Variants in RFX1 observed in about 807,000 individuals in gnomAD.
The protein encoded by RFX1 is regulatory factor X1, also known as MHC class II regulatory factor RFX1.
Under a neutral mutation model 119.6 loss-of-function variants are expected in RFX1, and 42 were observed. The ratio of observed to expected loss-of-function variants is 0.35; its 90% CI spans 0.27 to 0.45. The LOEUF is 0.45. RFX1 is among the 20% of genes least tolerant of loss of function. The pLI is 1.00. For missense variants in RFX1, 1,118 were observed against 1,368.1 expected (o/e 0.82, Z 2.88); for synonymous variants, 628 against 618.5 (o/e 1.02, Z -0.23).
At chr19:14,006,746 T>G (rs1568488784), upstream of RFX1, 1 of 152,244 alleles carries the variant, frequency 6.6e-6, no homozygotes, top group African/African-American at 2.4e-5. Context: ...TTTACATGTC[T>G]TACCAAATTA....
chr19:14,004,890 G>A (rs1975320909), intron 1 of RFX1, among the ~76,000 whole-genome samples: 1 of 152,126 alleles, frequency 6.6e-6, no homozygotes, highest in Non-Finnish European at 1.5e-5. Flanking sequence ...CTAAAAAGCA[G>A]TGGCAAAGAT....
At position 14,003,701 on chromosome 19, in the gene RFX1, G is replaced by A. The variant is rs147433206; in HGVS notation, c.-53+2402C>T. Among the ~76,000 whole-genome samples, 715 of 152,252 alleles carry A rather than the reference G, an allele frequency of 4.7e-3. 4 individuals carry two copies. Among genetic ancestry groups the A allele is most frequent in the Middle Eastern group, 0.037 (11 of 294 alleles). On this transcript the variant is annotated intron_variant, in intron 1 of 20. Transcript: ENST00000254325. ...CTACCAAGGATTACTGCCCCTAGAT[G>A]AAAGGAAGGGAAACTGAGGCCCAGA... is the stretch of plus-strand genomic sequence containing the variant.
chr19:13,974,843 C>T lies in RFX1; in HGVS notation c.930-1716G>A, dbSNP rs187774684. Among the ~76,000 whole-genome samples, 458 of 151,644 alleles carry T rather than the reference C, an allele frequency of 3.0e-3. 2 individuals carry two copies. The highest frequency in any genetic ancestry group is 0.017 in the Middle Eastern group (5 of 292). On this transcript the variant is annotated intron_variant, in intron 8 of 20. Transcript: ENST00000254325. ...GGTGGATCACTTGAGGTCAGGAGTTCGAGACCAGCCTGGCCAACATAGTGA... is the reference window on the plus strand; with the variant it reads ...GGTGGATCACTTGAGGTCAGGAGTTTGAGACCAGCCTGGCCAACATAGTGA...
Position 13,982,146 on chromosome 19 carries a change from G to C in RFX1, c.596C>G (p.Thr199Ser). ...CTCTGGGGGCGAGTGCACCTGCTGG[G>C]TACCATGGACCGTCAGGGAGACCTG... ...GGQVSLTVHG[T>S]QQVHSPPEQS... Residue 199 changes from threonine (T) to serine (S), a missense_variant, in exon 5 of 21, where the codon ACC (threonine) becomes AGC (serine). Coordinates refer to ENST00000254325, the MANE Select transcript of RFX1 (RefSeq NM_002918.5). The C allele has an allele frequency of 6.9e-6, 9 of 1,311,996 alleles. No individual in the cohort carries two copies. The highest frequency in any genetic ancestry group is 7.8e-6 in the Non-Finnish European group (8 of 1,021,512). 81.3% of individuals were successfully genotyped at this position (1,311,996 alleles called of 1,614,324 possible). A position where few individuals can be genotyped will look rare whatever the true frequency, so the allele number is the denominator to read the frequency against.
rs531639217 is a variant in RFX1, at chr19:13,970,908, TGGGAGGCAGAGGTTGCA to T, written c.1315-750_1315-734del. Among the ~76,000 whole-genome samples the T allele has an allele frequency of 2.2e-4, 33 of 151,792 alleles. No individual in the cohort carries two copies. The South Asian group carries it at 5.6e-3, about 26-fold the overall frequency. On this transcript the variant is annotated intron_variant, in intron 9 of 20. Transcript: ENST00000254325. ...CTGAGACAGGAGAATCATTTGAACT[TGGGAGGCAGAGGTTGCA>T]GGGAGGCAGAGGCTGCAGTGAGCCA...
rs1011246143 is a variant in RFX1 at position 13,986,435 on chromosome 19, G to C, written c.320-2840C>G. On this transcript the variant is annotated intron_variant, in intron 2 of 20. Transcript: ENST00000254325. This position sits in a 1 kb window ranked among gnomAD's most constrained non-coding sequence, Gnocchi z 4.2. ...AGGGGATGCGCCACGAGGCTAACAG[G>C]TGAGCCTGAGTGACTCATGCGGATG... is the stretch of plus-strand genomic sequence containing the variant. 2.6e-5 allele frequency among the ~76,000 whole-genome samples: 4 copies of C among 152,330 alleles called. No individual in the cohort carries two copies. The highest frequency in any genetic ancestry group is 9.6e-5 in the African/African-American group (4 of 41,580).
intron 9 of RFX1, among the ~76,000 whole-genome samples, chr19:13,970,753 A>G (rs1974053691): frequency 6.8e-6 from 1 of 146,394 alleles, no homozygotes; most frequent in Non-Finnish European, 1.5e-5. Context: ...AGGCCAAGGC[A>G]GGTGGGTGGA....
chr19:14,000,255 G>A (rs1352369798), intron 1 of RFX1, among the ~76,000 whole-genome samples: 1 of 152,170 alleles, frequency 6.6e-6, no homozygotes, highest in African/African-American at 2.4e-5. Context: ...GAAGGCTGAG[G>A]CGGGCGGATC....
intron 9 of RFX1, among the ~76,000 whole-genome samples, 179 bp from the exon 10 acceptor site, chr19:13,970,354 C>A (rs183000264): frequency 1.1e-4 from 17 of 152,248 alleles, no homozygotes; most frequent in African/African-American, 4.1e-4. Flanking sequence ...TCTAGAACTG[C>A]ACTGTCCAAT....
At chr19:13,962,931 G>C (rs927410874) in intron 20 of RFX1, 63 bp downstream of exon 20, 1 of 1,546,254 alleles carries the variant, frequency 6.5e-7, no homozygotes. Context: ...TCCTCCTCCC[G>C]AGCCCCTCCG....
At position 13,967,820 on chromosome 19, in the gene RFX1, G is replaced by A. The variant is rs577766528; in HGVS notation, c.1732+745C>T. ...GGGTACACACCTGCCTTCTTGGCGA[G>A]TGAGTGGTCCTAGCCCTGTGGACAC... On this transcript the variant is annotated intron_variant, in intron 12 of 20. Transcript: ENST00000254325. 2.7e-3 allele frequency among the ~76,000 whole-genome samples: 404 copies of A among 152,296 alleles called. 1 individual carries two copies. The highest frequency in any genetic ancestry group is 9.1e-3 in the African/African-American group (378 of 41,568).
At position 13,971,405 on chromosome 19, in the gene RFX1, G is replaced by T. The variant is rs10422723; in HGVS notation, c.1315-1230C>A. 2.8e-3 allele frequency among the ~76,000 whole-genome samples: 429 copies of T among 152,098 alleles called. 2 individuals carry two copies. Among genetic ancestry groups the T allele is most frequent in the African/African-American group, 9.7e-3 (402 of 41,492 alleles). The stretch of plus-strand genomic sequence containing the variant: ...ACATCAGGACCATGAGGGACCACCA[G>T]GACCACCAGCGCTGACCCACCCCAC... On this transcript the variant is annotated intron_variant, in intron 9 of 20. Coordinates refer to ENST00000254325, the MANE Select transcript of RFX1 (RefSeq NM_002918.5).
At position 13,964,092 on chromosome 19, in the gene RFX1, G is replaced by A. The variant is rs1973817006; in HGVS notation, c.2212-85C>T. On this transcript the variant is annotated intron_variant, in intron 16 of 20. Transcript: ENST00000254325. ...CCCCACCCCGCTGCAACCTCCCTAA[G>A]CCTGTTTCCTTTTTCCTAAAAAAGG... 3.7e-6 allele frequency: 5 copies of A among 1,360,502 alleles called. No homozygotes were observed. In the East Asian group the frequency reaches 1.0e-4, roughly 28 times the overall value. 84.3% of individuals were successfully genotyped at this position (1,360,502 alleles called of 1,614,324 possible). A position where few individuals can be genotyped will look rare whatever the true frequency, so the allele number is the denominator to read the frequency against.
intron 2 of RFX1, 51 bp downstream of exon 2, chr19:13,993,474 A>G: frequency 1.9e-6 from 3 of 1,551,796 alleles, no homozygotes; most frequent in Non-Finnish European, 2.6e-6. Flanking sequence ...GGTCTAGGCT[A>G]TCTGAACAAC....
chr19:13,992,089 C>G (rs564890984), intron 2 of RFX1, among the ~76,000 whole-genome samples: 1 of 152,254 alleles, frequency 6.6e-6, no homozygotes, highest in African/African-American at 2.4e-5. Flanking sequence ...TGAGAAGGAC[C>G]AGGGCCAGCT....
At position 13,968,658 on chromosome 19, in the gene RFX1, C is replaced by G; in HGVS notation, c.1639G>C (p.Glu547Gln). The G allele has an allele frequency of 6.2e-7, 1 of 1,613,270 alleles. No homozygotes were observed. The highest frequency in any genetic ancestry group is 1.1e-5 in the South Asian group (1 of 91,084). ...ACCGCCACGCCGTTGGTCATGCCTT[C>G]CATCTTCTGGATGGGCTTGAGCCTG... is the stretch of plus-strand genomic sequence containing the variant. The part of the protein sequence containing the change: ...KQRLKPIQKM[E>Q]GMTNGVAVGQ... The change falls in exon 12 of 21, where the codon GAA (glutamate) becomes CAA (glutamine). Residue 547 changes from glutamate to glutamine, a missense_variant. Around this residue, in one of 5 missense-constraint regions of RFX1, gnomAD observed 338 missense variants for 508.9 expected, o/e 0.66. Transcript: ENST00000254325. This position sits in a 1 kb window ranked among gnomAD's most constrained non-coding sequence, Gnocchi z 5.5.
chr19:13,962,775 G>C lies in RFX1; in HGVS notation c.2860C>G (p.Pro954Ala). The change falls in exon 21 of 21, where the codon CCG becomes GCG. Residue 954 changes from proline to alanine, a missense_variant. Pro to Ala is a conservative substitution (Grantham distance 27). Coordinates refer to ENST00000254325, the MANE Select transcript of RFX1 (RefSeq NM_002918.5). The part of the protein sequence containing the change: ...AAGGESPALG[P>A]ETLEPPAKLA... Reference sequence around the variant, plus strand: ...TTGGCCGGCGGCTCCAGGGTCTCCGGGCCCAGCGCGGGTGACTCGCCGCCA... The same window carrying C: ...TTGGCCGGCGGCTCCAGGGTCTCCGCGCCCAGCGCGGGTGACTCGCCGCCA... 1 of 1,530,408 alleles carries C rather than the reference G, an allele frequency of 6.5e-7. No individual in the cohort carries two copies. The highest frequency in any genetic ancestry group is 8.7e-7 in the Non-Finnish European group (1 of 1,143,572). 94.8% of individuals were successfully genotyped at this position (1,530,408 alleles called of 1,614,324 possible).
chr19:13,980,013 G>A lies in RFX1; in HGVS notation c.739-471C>T, dbSNP rs984450039. Among the ~76,000 whole-genome samples the A allele has an allele frequency of 2.2e-4, 34 of 152,086 alleles. No homozygotes were observed. Among genetic ancestry groups the A allele is most frequent in the African/African-American group, 6.0e-4 (25 of 41,380 alleles). On this transcript the variant is annotated intron_variant, in intron 6 of 20. Transcript: ENST00000254325. The surrounding 1 kb of genome is among the most constrained non-coding windows in gnomAD (Gnocchi z 5.1). ...GTTCGGGGGGGCTCTAGTGCCAGGC[G>A]GGGGAGTATCTGTGAAACCTCTGGG... is the stretch of plus-strand genomic sequence containing the variant.
intron 7 of RFX1, 76 bp from the exon 8 acceptor site, chr19:13,978,162 C>T: frequency 1.8e-6 from 2 of 1,098,040 alleles, no homozygotes; most frequent in Admixed American, 3.9e-5. Context: ...GGGCTGGTGC[C>T]CACCCAGGCT....
Sources: gnomAD v4.1 joint callset for allele counts (sites outside exome capture counted in the v4.1 genomes callset) on GRCh38, gnomAD v4.1.1 for gene constraint, gnomAD v4.1.1 regional missense constraint, Gnocchi (gnomAD v3.1) non-coding constraint, MANE v1.5 for transcripts, NCBI Gene and HGNC (gene_info 2026-07-23, HGNC 2026-07-21) for gene names.